HIVEP2: variants seen among roughly 807,000 people sequenced by gnomAD.
The protein encoded by HIVEP2 is transcription factor HIVEP2.
In HIVEP2, 14 loss-of-function variants were observed where a neutral mutation model predicts 180.7. The ratio of observed to expected loss-of-function variants is 0.08; its 90% CI spans 0.05 to 0.12. HIVEP2 has a LOEUF of 0.12. HIVEP2 is among the 10% of genes least tolerant of loss of function. The pLI, the probability that HIVEP2 is intolerant of heterozygous loss-of-function variation, is 1.00. For missense variants in HIVEP2, 2,579 were observed against 3,008.5 expected (o/e 0.86, Z 3.34); for synonymous variants, 1,184 against 1,136.4 (o/e 1.04, Z -0.84).
At chr6:142,834,757 G>T (rs1464842619) in intron 2 of HIVEP2, among the ~76,000 whole-genome samples, 1 of 151,896 alleles carries the variant, frequency 6.6e-6, no homozygotes, top group Non-Finnish European at 1.5e-5. Flanking sequence ...TTTGCAAACT[G>T]TTTTCTATTT....
At chr6:142,895,313 G>A (rs1776959881) in intron 1 of HIVEP2, among the ~76,000 whole-genome samples, 1 of 151,658 alleles carries the variant, frequency 6.6e-6, no homozygotes, top group Non-Finnish European at 1.5e-5. Context: ...TTTTTTTCAG[G>A]ACTTAAATTT....
intron 1 of HIVEP2, among the ~76,000 whole-genome samples, chr6:142,849,546 G>C (rs1190846425): frequency 6.6e-6 from 1 of 150,692 alleles, no homozygotes; most frequent in Non-Finnish European, 1.5e-5. Flanking sequence ...ACAAGGTCTT[G>C]CTCTATCACC....
intron 1 of HIVEP2, among the ~76,000 whole-genome samples, chr6:142,884,219 G>C (rs958248351): frequency 6.6e-6 from 1 of 151,898 alleles, no homozygotes; most frequent in Admixed American, 6.6e-5. Flanking sequence ...TCATAATTTG[G>C]TTCCTAGGAG....
In HIVEP2 at chr6:142,771,044, T is replaced by C; in HGVS notation, c.3695A>G (p.His1232Arg). The C allele has an allele frequency of 6.2e-7, 1 of 1,614,106 alleles. No homozygotes were observed. Among genetic ancestry groups the C allele is most frequent in the East Asian group, 2.2e-5 (1 of 44,878 alleles). The part of the protein sequence containing the change: ...QPPWWQAHFP[H>R]PFAQHPQKSY... Reference sequence around the variant, plus strand: ...CTTCTGAGGGTGCTGAGCAAAGGGATGTGGGAAATGTGCCTGCCACCAGGG... The same window carrying C: ...CTTCTGAGGGTGCTGAGCAAAGGGACGTGGGAAATGTGCCTGCCACCAGGG... The change falls in exon 5 of 10, where the codon CAT (histidine) becomes CGT (arginine). Residue 1232 changes from histidine to arginine, a missense_variant. Physicochemically the swap from His to Arg is conservative, Grantham distance 29 (BLOSUM62 0). Coordinates refer to ENST00000367603, the MANE Select transcript of HIVEP2 (RefSeq NM_006734.4). The surrounding 1 kb of genome is among the most constrained non-coding windows in gnomAD (Gnocchi z 5.4).
chr6:142,760,694 A>T (rs1419830961), intron 8 of HIVEP2, 27 bp from the exon 9 acceptor site: 1 of 1,513,582 alleles, frequency 6.6e-7, no homozygotes, highest in Middle Eastern at 1.8e-4. Flanking sequence ...AAGATAATGG[A>T]GATCAAGATC....
chr6:142,859,834 C>CAAAAAAAAAAAAAAAAAAAAAGAAAA (rs56853043), intron 1 of HIVEP2, among the ~76,000 whole-genome samples: 1 of 73,610 alleles, frequency 1.4e-5, no homozygotes, highest in Non-Finnish European at 2.5e-5. Flanking sequence ...AACTCCGTCT[C>CAAAAAAAAAAAAAAAAAAAAAGAAAA]AAAAAAAAAA....
At chr6:142,805,507 C>T (rs1776525748) in intron 2 of HIVEP2, among the ~76,000 whole-genome samples, 1 of 151,090 alleles carries the variant, frequency 6.6e-6, no homozygotes, top group Non-Finnish European at 1.5e-5. Flanking sequence ...CACAGAGAGA[C>T]AAAGGAATCC....
rs1363786733 is a variant in HIVEP2 at position 142,873,740 on chromosome 6, G to A, written c.-640-36693C>T. Among the ~76,000 whole-genome samples, 5 of 152,068 alleles carry A rather than the reference G, an allele frequency of 3.3e-5. No individual in the cohort carries two copies. In the South Asian group the frequency reaches 1.0e-3, roughly 32 times the overall value. Reference sequence around the variant, plus strand: ...ATTACCTCTTCCTATCCTGGCCCATGGGAATTTTAAGAACAGCCTCCAACA... The same window carrying A: ...ATTACCTCTTCCTATCCTGGCCCATAGGAATTTTAAGAACAGCCTCCAACA... On this transcript the variant is annotated intron_variant, in intron 1 of 9. Coordinates refer to ENST00000367603, the MANE Select transcript of HIVEP2 (RefSeq NM_006734.4).
intron 1 of HIVEP2, among the ~76,000 whole-genome samples, chr6:142,882,084 A>G (rs1408873216): frequency 6.6e-6 from 1 of 152,162 alleles, no homozygotes; most frequent in African/African-American, 2.4e-5. Context: ...AGAGCCTTTC[A>G]GCTCCTAAGC....
rs867070508 is a variant in HIVEP2 at position 142,860,141 on chromosome 6, A to C, written c.-640-23094T>G. 3.2e-4 allele frequency among the ~76,000 whole-genome samples: 48 copies of C among 152,286 alleles called. 1 individual carries two copies. The South Asian group carries it at 6.0e-3, about 19-fold the overall frequency. ...TTCTGAACTGTAAAAAAGATAAGAA[A>C]AAAACTGAGCCACAATCACCCTTGT... On this transcript the variant is annotated intron_variant, in intron 1 of 9. Coordinates refer to ENST00000367603, the MANE Select transcript of HIVEP2 (RefSeq NM_006734.4).
At chr6:142,921,467 A>G (rs1369770713) in intron 1 of HIVEP2, among the ~76,000 whole-genome samples, 1 of 152,218 alleles carries the variant, frequency 6.6e-6, no homozygotes, top group Non-Finnish European at 1.5e-5. Flanking sequence ...CCCAGGAGGC[A>G]GAGGTTGCAG....
intron 1 of HIVEP2, among the ~76,000 whole-genome samples, chr6:142,878,747 G>A (rs962298809): frequency 6.6e-6 from 1 of 152,136 alleles, no homozygotes; most frequent in Non-Finnish European, 1.5e-5. Context: ...ACTTCTGAGT[G>A]GTGATAAAAA....
At chr6:142,903,761 G>A (rs1384623438) in intron 1 of HIVEP2, among the ~76,000 whole-genome samples, 1 of 151,858 alleles carries the variant, frequency 6.6e-6, no homozygotes, top group Non-Finnish European at 1.5e-5. Context: ...TTTAAAGAGT[G>A]TTATCAACAA....
chr6:142,785,143 C>A (rs1333507189), intron 2 of HIVEP2, among the ~76,000 whole-genome samples: 1 of 151,810 alleles, frequency 6.6e-6, no homozygotes, highest in Non-Finnish European at 1.5e-5. Context: ...CCTGCCTTGG[C>A]CTCCCAAAGT....
intron 1 of HIVEP2, among the ~76,000 whole-genome samples, chr6:142,878,483 C>T (rs1776500498): frequency 6.6e-6 from 1 of 152,134 alleles, no homozygotes; most frequent in South Asian, 2.1e-4. Context: ...GCCTATTTCT[C>T]GCCTTACTGG....
intron 1 of HIVEP2, among the ~76,000 whole-genome samples, chr6:142,882,951 C>G (rs2128417498): frequency 6.6e-6 from 1 of 152,238 alleles, no homozygotes; most frequent in Admixed American, 6.5e-5. Flanking sequence ...AGCTGATAAA[C>G]TAACCACCCA....
Position 142,900,462 on chromosome 6 carries a change from C to A in HIVEP2, c.-641+44637G>T, listed in dbSNP as rs545827911. ...GACATCAGATGACCTACCGAAAGTA[C>A]TCCTTGCACAGAGAAGAAAGCTGAC... On this transcript the variant is annotated intron_variant, in intron 1 of 9. Transcript: ENST00000367603. Among the ~76,000 whole-genome samples the A allele has an allele frequency of 4.6e-5, 7 of 152,298 alleles. No individual in the cohort carries two copies. In the South Asian group the frequency reaches 1.4e-3, roughly 32 times the overall value.
At chr6:142,941,826 A>T (rs1420499240) in intron 1 of HIVEP2, among the ~76,000 whole-genome samples, 1 of 152,228 alleles carries the variant, frequency 6.6e-6, no homozygotes. Context: ...AACTGGAAGC[A>T]TATCATTGAA....
At chr6:142,824,506 C>A (rs910185026) in intron 2 of HIVEP2, among the ~76,000 whole-genome samples, 2 of 152,136 alleles carry the variant, frequency 1.3e-5, no homozygotes, top group South Asian at 4.1e-4. Context: ...GCCCCAGAGG[C>A]CCCATAAATA....
Sources: gnomAD v4.1 joint callset for allele counts (sites outside exome capture counted in the v4.1 genomes callset) on GRCh38, gnomAD v4.1.1 for gene constraint, Gnocchi (gnomAD v3.1) non-coding constraint, MANE v1.5 for transcripts, NCBI Gene and HGNC (gene_info 2026-07-23, HGNC 2026-07-21) for gene names.